Variants in LARGE1 observed in about 807,000 individuals in gnomAD.
LARGE1 encodes xylosyl- and glucuronyltransferase LARGE1.
A neutral mutation model predicts 87.6 loss-of-function variants in LARGE1; 43 were observed. That is an observed-to-expected ratio of 0.49 (90% CI 0.38 to 0.63). The LOEUF (loss-of-function observed/expected upper bound fraction) is 0.63, where lower values mean the gene tolerates loss of function less well. Among genes scored for constraint, LARGE1 ranks in the 30% least tolerant of loss-of-function variants. The pLI, the probability that LARGE1 is intolerant of heterozygous loss-of-function variation, is 0.00. For missense variants in LARGE1, 802 were observed against 1,000.2 expected, an observed-to-expected ratio of 0.80 and a Z score of 2.67; for synonymous variants, 434 against 394.6, an observed-to-expected ratio of 1.10 and a Z score of -1.18.
intron 4 of LARGE1, among the ~76,000 whole-genome samples, chr22:33,621,723 C>A (rs117916842): frequency 1.7e-3 from 258 of 152,286 alleles, no homozygotes; most frequent in East Asian, 0.014. Flanking sequence ...TGTCTTGTAT[C>A]TCAACTCATC....
chr22:33,734,339 G>A (rs998265848), intron 2 of LARGE1, among the ~76,000 whole-genome samples: 28 of 152,270 alleles, frequency 1.8e-4, no homozygotes, highest in Non-Finnish European at 3.1e-4. Context: ...CTTGAAAGAC[G>A]AACATGAGCT....
chr22:33,693,553 C>T (rs1263862989), intron 2 of LARGE1, among the ~76,000 whole-genome samples: 3 of 152,264 alleles, frequency 2.0e-5, no homozygotes, highest in South Asian at 2.1e-4. Context: ...ATGGCTGGGG[C>T]GGTGGCTCAC....
At chr22:33,810,365 CA>C (rs1379482632) in intron 1 of LARGE1, among the ~76,000 whole-genome samples, 2 of 152,132 alleles carry the variant, frequency 1.3e-5, no homozygotes, top group Non-Finnish European at 2.9e-5. Context: ...CTGAAGGCAA[CA>C]AAATCTCCCT....
At chr22:33,324,155 G>A (rs1351824508) in intron 10 of LARGE1, among the ~76,000 whole-genome samples, 1 of 143,436 alleles carries the variant, frequency 7.0e-6, no homozygotes, top group Non-Finnish European at 1.5e-5. Context: ...CTTGAACCCA[G>A]GAGGTGGAGG....
the LARGE1 span, among the ~76,000 whole-genome samples, chr22:33,079,750 G>C: frequency 6.6e-6 from 1 of 152,138 alleles, no homozygotes; most frequent in East Asian, 1.9e-4. Context: ...CTGCTTAGAA[G>C]AACCTAGCAA....
At chr22:33,501,026 T>C (rs1438481343) in intron 6 of LARGE1, among the ~76,000 whole-genome samples, 1 of 152,052 alleles carries the variant, frequency 6.6e-6, no homozygotes, top group Non-Finnish European at 1.5e-5. Context: ...GAAGGCTTCC[T>C]GGACAGCCTA....
chr22:33,561,337 C>G (rs919672876), intron 6 of LARGE1, among the ~76,000 whole-genome samples: 1 of 152,184 alleles, frequency 6.6e-6, no homozygotes, highest in Admixed American at 6.5e-5. Context: ...CAAGGTCAGG[C>G]TCCCAGTGGC....
At chr22:33,410,200 T>C (rs1306225841) in intron 7 of LARGE1, among the ~76,000 whole-genome samples, 1 of 152,150 alleles carries the variant, frequency 6.6e-6, no homozygotes, top group East Asian at 1.9e-4. Flanking sequence ...CATGCAGCCA[T>C]GATGGCAAGT....
At chr22:33,089,384 C>T in the LARGE1 span, among the ~76,000 whole-genome samples, 2 of 142,722 alleles carry the variant, frequency 1.4e-5, no homozygotes, top group African/African-American at 5.3e-5. Flanking sequence ...TCTTCTTCTT[C>T]TTCCTCTTCT....
chr22:33,088,536 G>A, the LARGE1 span, among the ~76,000 whole-genome samples: 7 of 152,166 alleles, frequency 4.6e-5, no homozygotes, highest in African/African-American at 1.2e-4. Flanking sequence ...GAAAGTGTCC[G>A]TGTCATAGGA....
At chr22:33,253,334 T>C (rs1239647543) in intron 11 of LARGE1, among the ~76,000 whole-genome samples, 1 of 152,214 alleles carries the variant, frequency 6.6e-6, no homozygotes, top group Non-Finnish European at 1.5e-5. Context: ...CCTAAACTAA[T>C]TAAAGAGTAG....
chr22:33,840,985 C>T (rs1568976628), intron 1 of LARGE1, among the ~76,000 whole-genome samples: 1 of 152,140 alleles, frequency 6.6e-6, no homozygotes, highest in South Asian at 2.1e-4. Context: ...TACTTGAGTA[C>T]CCATATAACC....
intron 2 of LARGE1, among the ~76,000 whole-genome samples, chr22:33,684,099 C>T (rs777987258): frequency 6.6e-6 from 1 of 152,070 alleles, no homozygotes; most frequent in Admixed American, 6.5e-5. Context: ...TAATAAGACA[C>T]GAGGCAAGAT....
intron 7 of LARGE1, among the ~76,000 whole-genome samples, chr22:33,397,772 C>T (rs966336446): frequency 6.6e-6 from 1 of 152,142 alleles, no homozygotes; most frequent in African/African-American, 2.4e-5. Context: ...TGAAGTATTC[C>T]AATTGCTCCG....
At chr22:33,104,949 CTTTCTCTCTTTCTCTCTTTCTT>C in the LARGE1 span, among the ~76,000 whole-genome samples, 6 of 111,400 alleles carry the variant, frequency 5.4e-5, no homozygotes, top group East Asian at 4.9e-4. Context: ...CTTTCTTTCT[CTTTCTCTCTTTCTCTCTTTCTT>C]TCTTTCTTTT....
At chr22:33,816,666 G>GGATC (rs66480564) in intron 1 of LARGE1, among the ~76,000 whole-genome samples, 1 of 38,146 alleles carries the variant, frequency 2.6e-5, no homozygotes, top group East Asian at 1.5e-3. Context: ...ACGGATGCAC[G>GGATC]GATGGATGGA....
At chr22:33,850,543 A>G (rs542267381) in intron 1 of LARGE1, among the ~76,000 whole-genome samples, 10 of 152,360 alleles carry the variant, frequency 6.6e-5, no homozygotes, top group South Asian at 6.2e-4. Context: ...AGTGTCCAGC[A>G]TATAACAAAC....
chr22:33,668,253 A>G (rs2081319300), intron 2 of LARGE1, among the ~76,000 whole-genome samples: 1 of 152,248 alleles, frequency 6.6e-6, no homozygotes, highest in Non-Finnish European at 1.5e-5. Context: ...AAACAGTACT[A>G]GAAAGTAAGC....
intron 4 of LARGE1, among the ~76,000 whole-genome samples, chr22:33,606,364 G>A (rs1250002987): frequency 1.3e-5 from 2 of 151,436 alleles, no homozygotes; most frequent in African/African-American, 2.4e-5. Context: ...GAGATTGCAC[G>A]ACTGCACTCC....
Sources: allele counts gnomAD v4.1 joint callset (sites outside exome capture counted in the v4.1 genomes callset), GRCh38; gene constraint gnomAD v4.1.1; transcripts MANE v1.5; gene names NCBI Gene and HGNC (gene_info 2026-07-23, HGNC 2026-07-21).